The following CHM variants were observed in gnomAD, a reference collection of about 807,000 sequenced individuals.
CHM encodes rab proteins geranylgeranyltransferase component A 1.
In CHM, 10 loss-of-function variants were observed where a neutral mutation model predicts 49.0. That is an observed-to-expected ratio of 0.20 (90% CI 0.13 to 0.35). CHM has a LOEUF of 0.35. Among genes scored for constraint, CHM ranks in the 10% least tolerant of loss-of-function variants. The probability of loss-of-function intolerance (pLI) is 1.00; values close to 1 mark genes in which losing one functional copy is unlikely to be tolerated. For synonymous variants in CHM, 184 were observed against 167.5 expected, an observed-to-expected ratio of 1.10 and a Z score of -0.76; for missense variants, 455 against 478.4, an observed-to-expected ratio of 0.95 and a Z score of 0.46.
chrX:85,929,572 A>G (rs1025023915), intron 8 of CHM, among the ~76,000 whole-genome samples: 2 of 112,410 alleles, frequency 1.8e-5, no homozygotes, highest in African/African-American at 6.5e-5. Flanking sequence ...ATGTCTACAA[A>G]AGAGCTGGGA....
chrX:85,956,144 C>A lies in CHM; in HGVS notation c.1166+9G>T, dbSNP rs892546220. Reference sequence around the variant, plus strand: ...TTAGAAGGGACAAGAAAATCAATGGCAAACTTACCTGCAGAAACACTGGGG... The same window carrying A: ...TTAGAAGGGACAAGAAAATCAATGGAAAACTTACCTGCAGAAACACTGGGG... On this transcript the variant is annotated intron_variant, in intron 8 of 14. Transcript: ENST00000357749. The A allele has an allele frequency of 1.7e-6, 2 of 1,201,804 alleles. No homozygotes were observed. Among genetic ancestry groups the A allele is most frequent in the Admixed American group, 4.4e-5 (2 of 45,972 alleles).
intron 2 of CHM, among the ~76,000 whole-genome samples, chrX:85,994,223 T>C (rs368383992): frequency 8.9e-6 from 1 of 112,183 alleles, no homozygotes; most frequent in Non-Finnish European, 1.9e-5. Context: ...CTCATTTTCT[T>C]TACCTGTAAC....
At chrX:86,008,822 C>T (rs1410628794) in intron 2 of CHM, among the ~76,000 whole-genome samples, 1 of 112,150 alleles carries the variant, frequency 8.9e-6, no homozygotes, top group Non-Finnish European at 1.9e-5. Context: ...TTCCGAAAAA[C>T]TTTATTCACA....
intron 8 of CHM, among the ~76,000 whole-genome samples, chrX:85,926,844 G>C (rs1928114635): frequency 9.0e-6 from 1 of 111,481 alleles, no homozygotes; most frequent in Admixed American, 9.5e-5. Flanking sequence ...ATCTCTCTCT[G>C]AGATGAGAGC....
intron 2 of CHM, among the ~76,000 whole-genome samples, chrX:86,001,354 CA>C (rs370736422): frequency 0.2 from 18,918 of 94,550 alleles, 1,530 homozygotes; most frequent in Non-Finnish European, 0.27. Flanking sequence ...TGTTCATCTG[CA>C]AAAAAAAAAA....
intron 2 of CHM, among the ~76,000 whole-genome samples, chrX:85,991,371 C>T (rs1932178948): frequency 9.0e-6 from 1 of 111,475 alleles, no homozygotes; most frequent in Admixed American, 9.6e-5. Context: ...GAACTCTAAT[C>T]CTGTCCATTA....
At chrX:85,941,816 T>C (rs761969603) in intron 8 of CHM, among the ~76,000 whole-genome samples, 1 of 111,503 alleles carries the variant, frequency 9.0e-6, no homozygotes, top group South Asian at 3.8e-4. Flanking sequence ...AGTCTCTAAC[T>C]GCCTCATATT....
chrX:85,908,662 G>C (rs1397683683), intron 9 of CHM, among the ~76,000 whole-genome samples: 1 of 110,992 alleles, frequency 9.0e-6, no homozygotes, highest in Non-Finnish European at 1.9e-5. Flanking sequence ...AATTTTCCAG[G>C]AAGAGATTCA....
At chrX:86,019,386 A>G (rs1377687955) in intron 2 of CHM, among the ~76,000 whole-genome samples, 2 of 111,826 alleles carry the variant, frequency 1.8e-5, no homozygotes, top group Non-Finnish European at 3.8e-5. Context: ...AAGAGCTAAG[A>G]ATTTAATTCA....
intron 11 of CHM, among the ~76,000 whole-genome samples, chrX:85,899,790 A>G (rs1434103082): frequency 9.3e-6 from 1 of 107,102 alleles, no homozygotes; most frequent in Non-Finnish European, 1.9e-5. Context: ...GTATTTTGCC[A>G]GTATTGATTT....
intron 12 of CHM, among the ~76,000 whole-genome samples, chrX:85,886,720 T>G (rs781555911): frequency 9.1e-6 from 1 of 110,111 alleles, no homozygotes; most frequent in African/African-American, 3.3e-5. Context: ...GACTCTCAAT[T>G]AGGGCAGCAG....
At chrX:86,001,623 C>A (rs1254415633) in intron 2 of CHM, among the ~76,000 whole-genome samples, 2 of 110,120 alleles carry the variant, frequency 1.8e-5, no homozygotes, top group African/African-American at 6.6e-5. Flanking sequence ...TTTTAAACAA[C>A]CAGAACTCAC....
intron 8 of CHM, among the ~76,000 whole-genome samples, chrX:85,937,198 G>T (rs1199608074): frequency 9.4e-6 from 1 of 105,937 alleles, no homozygotes; most frequent in African/African-American, 3.5e-5. Context: ...CCCGGGAGGC[G>T]GAGGCTGCAG....
At chrX:85,865,427 C>T (rs1314067172) in intron 14 of CHM, among the ~76,000 whole-genome samples, 3 of 111,851 alleles carry the variant, frequency 2.7e-5, no homozygotes, top group Non-Finnish European at 3.8e-5. Flanking sequence ...GCCATGTGGC[C>T]TTGTGAGTTA....
chrX:86,006,112 C>T (rs763032320), intron 2 of CHM, among the ~76,000 whole-genome samples: 8 of 111,796 alleles, frequency 7.2e-5, no homozygotes, highest in South Asian at 7.5e-4. Context: ...GTTCAACATA[C>T]GCAAATCAAT....
chrX:85,983,574 G>A (rs1201053619), intron 2 of CHM, among the ~76,000 whole-genome samples: 1 of 111,376 alleles, frequency 9.0e-6, no homozygotes, highest in Non-Finnish European at 1.9e-5. Context: ...TGAAGGAGGG[G>A]AAAAAAACCT....
chrX:85,915,015 C>T (rs777193901), intron 8 of CHM, among the ~76,000 whole-genome samples: 1 of 109,769 alleles, frequency 9.1e-6, no homozygotes, highest in African/African-American at 3.3e-5. Flanking sequence ...CACAAACAAA[C>T]CTTCAAAAAA....
chrX:85,941,042 T>C (rs1372245612), intron 8 of CHM, among the ~76,000 whole-genome samples: 2 of 111,869 alleles, frequency 1.8e-5, no homozygotes, highest in Non-Finnish European at 3.8e-5. Context: ...ATATTCTTTT[T>C]CATATACTGT....
chrX:85,945,170 G>A (rs1368190708), intron 8 of CHM, among the ~76,000 whole-genome samples: 1 of 110,823 alleles, frequency 9.0e-6, no homozygotes, highest in Non-Finnish European at 1.9e-5. Context: ...TGAGAAACTA[G>A]AAAAACTACC....
Sources: gnomAD v4.1 joint callset for allele counts (sites outside exome capture counted in the v4.1 genomes callset) on GRCh38, gnomAD v4.1.1 for gene constraint, MANE v1.5 for transcripts, NCBI Gene and HGNC (gene_info 2026-07-23, HGNC 2026-07-21) for gene names.